Variants in ADAM22 observed in about 807,000 individuals in gnomAD.
The protein encoded by ADAM22 is ADAM metallopeptidase domain 22, also known as disintegrin and metalloproteinase domain-containing protein 22.
Under a neutral mutation model 144.6 loss-of-function variants are expected in ADAM22, and 65 were observed. That is an observed-to-expected ratio of 0.45 (90% CI 0.37 to 0.55). The LOEUF is 0.55. Among genes scored for constraint, ADAM22 ranks in the 20% least tolerant of loss-of-function variants. The pLI is 0.00. For missense variants in ADAM22, 974 were observed against 1,184.9 expected, an observed-to-expected ratio of 0.82 and a Z score of 2.61; for synonymous variants, 391 against 412.6, an observed-to-expected ratio of 0.95 and a Z score of 0.63.
intron 26 of ADAM22, among the ~76,000 whole-genome samples, chr7:88,177,011 C>T (rs531932920): frequency 8.5e-5 from 13 of 152,264 alleles, no homozygotes; most frequent in Middle Eastern, 3.4e-3. Flanking sequence ...GTGATCTGCC[C>T]GCTTCGGCCT....
chr7:88,128,479 T>G, intron 8 of ADAM22, 123 bp from the exon 9 acceptor site: 1 of 739,428 alleles, frequency 1.4e-6, no homozygotes, highest in Non-Finnish European at 2.3e-6. Flanking sequence ...ATGAAAAATT[T>G]TTTAAATGCT....
chr7:88,047,600 TTG>T (rs1805004611), intron 3 of ADAM22, among the ~76,000 whole-genome samples: 1 of 152,220 alleles, frequency 6.6e-6, no homozygotes, highest in Non-Finnish European at 1.5e-5. Flanking sequence ...TTGGATTTTT[TTG>T]TCTTTTATTA....
chr7:88,129,658 C>T (rs1207265878), intron 9 of ADAM22, among the ~76,000 whole-genome samples: 1 of 151,990 alleles, frequency 6.6e-6, no homozygotes, highest in Non-Finnish European at 1.5e-5. Flanking sequence ...TATCCATAGA[C>T]ATCAGTAGAC....
At chr7:88,071,898 A>G (rs909554704) in intron 3 of ADAM22, among the ~76,000 whole-genome samples, 2 of 152,084 alleles carry the variant, frequency 1.3e-5, no homozygotes, top group African/African-American at 4.8e-5. Flanking sequence ...GAGGTCTTCC[A>G]TTTTCCTACA....
chr7:88,177,925 A>G (rs1846073957), intron 26 of ADAM22, among the ~76,000 whole-genome samples: 1 of 152,220 alleles, frequency 6.6e-6, no homozygotes, highest in Admixed American at 6.5e-5. Context: ...TTCTCAGTCC[A>G]GCACTAGTTT....
intron 23 of ADAM22, 70 bp from the exon 24 acceptor site, chr7:88,165,762 A>G (rs1381971080): frequency 9.6e-7 from 1 of 1,040,950 alleles, no homozygotes; most frequent in Non-Finnish European, 1.4e-6. Flanking sequence ...ATAATAAGAA[A>G]TTAGTGTTTA....
At chr7:87,952,666 T>G (rs199603629) in intron 2 of ADAM22, among the ~76,000 whole-genome samples, 1,808 of 152,208 alleles carry the variant, frequency 0.012, 28 homozygotes, top group East Asian at 0.045. Flanking sequence ...TAAAATGAGT[T>G]AGGGAGGATT....
At chr7:88,096,763 A>G (rs1339147082) in intron 4 of ADAM22, among the ~76,000 whole-genome samples, 2 of 152,160 alleles carry the variant, frequency 1.3e-5, no homozygotes, top group East Asian at 3.9e-4. Flanking sequence ...CAAATCATGG[A>G]ACAAGAAGGG....
At chr7:87,948,329 G>A (rs141528965) in intron 2 of ADAM22, among the ~76,000 whole-genome samples, 123 of 152,260 alleles carry the variant, frequency 8.1e-4, no homozygotes, top group African/African-American at 2.8e-3. Flanking sequence ...AATTCAACAC[G>A]CTTTCCATTT....
chr7:88,022,304 A>T (rs1473318161), intron 3 of ADAM22, among the ~76,000 whole-genome samples: 2 of 152,186 alleles, frequency 1.3e-5, no homozygotes, highest in Non-Finnish European at 2.9e-5. Context: ...GACAGAGGGA[A>T]TGATACCAGA....
intron 14 of ADAM22, among the ~76,000 whole-genome samples, chr7:88,137,387 C>G (rs1259851101): frequency 6.6e-6 from 1 of 152,106 alleles, no homozygotes. Context: ...ATCTCCTTTT[C>G]CCCTACTATT....
In ADAM22 at chr7:87,934,337, C is replaced by G. The variant is rs1042036198; in HGVS notation, c.-129C>G. On this transcript the variant is annotated 5_prime_UTR_variant, in exon 1 of 32. Coordinates refer to ENST00000413139, the MANE Select transcript of ADAM22 (RefSeq NM_001324418.2). ...GTGGAGGTTGCAGCGCCACGGCCGC[C>G]GCAGCACCGGCCGGGGCTGGGTGGA... 23 of 790,996 alleles carry G rather than the reference C, an allele frequency of 2.9e-5. No individual in the cohort carries two copies. The highest frequency in any genetic ancestry group is 1.6e-4 in the Admixed American group (5 of 31,618). The allele number at this position is 790,996 out of a possible 1,614,324, so 49.0% of individuals were successfully genotyped here.
chr7:87,953,826 C>T (rs552237432), intron 2 of ADAM22, among the ~76,000 whole-genome samples: 58 of 152,228 alleles, frequency 3.8e-4, no homozygotes, highest in African/African-American at 1.3e-3. Flanking sequence ...CTGGGTGCTC[C>T]TGTTTTGGGT....
Position 88,136,002 on chromosome 7 carries a change from G to A in ADAM22, c.1191G>A (p.Thr397=), listed in dbSNP as rs972182332. 6.2e-6 allele frequency: 10 copies of A among 1,611,950 alleles called. No individual in the cohort carries two copies. The highest frequency in any genetic ancestry group is 4.0e-5 in the African/African-American group (3 of 74,868). The stretch of plus-strand genomic sequence containing the variant: ...TAGGTGAATGTAAATGCGAGGACAC[G>A]TGGTCCGGGTGCATAATGGGAGACA... ...LASGECKCED[T]WSGCIMGDTG... The change falls in exon 14 of 32, where the codon ACG becomes ACA. Residue 397 remains threonine, a synonymous_variant. Transcript: ENST00000413139.
At chr7:88,052,747 G>T (rs1806855853) in intron 3 of ADAM22, among the ~76,000 whole-genome samples, 1 of 152,072 alleles carries the variant, frequency 6.6e-6, no homozygotes, top group Non-Finnish European at 1.5e-5. Context: ...GAGAAAAAAA[G>T]TTAACTTTCC....
chr7:87,994,030 A>G (rs1458742463), intron 3 of ADAM22, among the ~76,000 whole-genome samples: 2 of 152,202 alleles, frequency 1.3e-5, no homozygotes, highest in Non-Finnish European at 2.9e-5. Context: ...TTTATAATCA[A>G]TAATAATAAT....
intron 4 of ADAM22, among the ~76,000 whole-genome samples, chr7:88,105,722 A>G (rs567917604): frequency 3.3e-4 from 51 of 152,272 alleles, no homozygotes; most frequent in Non-Finnish European, 4.9e-4. Flanking sequence ...TTTCATCCCT[A>G]CTTGGCAACT....
At chr7:88,095,482 C>G (rs1348939513) in intron 4 of ADAM22, among the ~76,000 whole-genome samples, 1 of 152,118 alleles carries the variant, frequency 6.6e-6, no homozygotes, top group Non-Finnish European at 1.5e-5. Context: ...ATTATTCCCC[C>G]TGCTATCAAA....
At chr7:88,135,904 T>C (rs1457142779) in intron 13 of ADAM22, 76 bp from the exon 14 acceptor site, 8 of 1,283,644 alleles carry the variant, frequency 6.2e-6, no homozygotes, top group Non-Finnish European at 7.5e-6. Flanking sequence ...GTGGAGATAA[T>C]TATTTTAAAA....
Sources: gnomAD v4.1 joint callset for allele counts (sites outside exome capture counted in the v4.1 genomes callset) on GRCh38, gnomAD v4.1.1 for gene constraint, MANE v1.5 for transcripts, NCBI Gene and HGNC (gene_info 2026-07-23, HGNC 2026-07-21) for gene names.